The following SEMA3A variants were observed in gnomAD, a reference collection of about 807,000 sequenced individuals.
SEMA3A encodes the protein semaphorin-3A.
In SEMA3A, 29 loss-of-function variants were observed where a neutral mutation model predicts 97.9. The observed-to-expected ratio is 0.30, with a 90% CI of 0.22 to 0.40. The LOEUF (loss-of-function observed/expected upper bound fraction) is 0.40, where lower values mean the gene tolerates loss of function less well. Ranked by LOEUF, SEMA3A falls within the 10% of genes least tolerant of loss-of-function variation. The pLI is 1.00. For synonymous variants in SEMA3A, 321 were observed against 323.7 expected (o/e 0.99, Z 0.09); for missense variants, 763 against 951.3 (o/e 0.80, Z 2.60).
Position 84,313,398 on chromosome 7 carries a change from AT to A in SEMA3A, c.-168-6107del, listed in dbSNP as rs1801410587. On this transcript the variant is annotated intron_variant, in intron 2 of 3. Coordinates refer to the SEMA3A transcript ENST00000424555. Reference sequence around the variant, plus strand: ...TATATATATATATATATATATATATATATATATAAACTATACGTGACTCCTG... The same window carrying A: ...TATATATATATATATATATATATATAATATATAAACTATACGTGACTCCTG... Among the ~76,000 whole-genome samples, 42 of 125,468 alleles carry A rather than the reference AT, an allele frequency of 3.3e-4. 1 individual carries two copies. The highest frequency in any genetic ancestry group is 1.1e-3 in the Admixed American group (13 of 11,960). The allele number at this position is 125,468 out of a possible 152,430, so 82.3% of individuals were successfully genotyped here. A position where few individuals can be genotyped will look rare whatever the true frequency, so the allele number is the denominator to read the frequency against.
Position 84,003,937 on chromosome 7 carries a change from A to G in SEMA3A, c.1360+1402T>C, listed in dbSNP as rs984807523. On this transcript the variant is annotated intron_variant, in intron 11 of 16. Transcript: ENST00000265362. Reference sequence around the variant, plus strand: ...TTCTCACTCATAAAAGTAGACTTTAATATATTACTCAGAACCTGACACTGT... The same window carrying G: ...TTCTCACTCATAAAAGTAGACTTTAGTATATTACTCAGAACCTGACACTGT... Among the ~76,000 whole-genome samples, 65 of 152,124 alleles carry G rather than the reference A, an allele frequency of 4.3e-4. 1 individual carries two copies. The highest frequency in any genetic ancestry group is 1.0e-4 in the Non-Finnish European group (7 of 67,982).
chr7:84,201,650 T>C (rs969944349), intron 3 of SEMA3A, among the ~76,000 whole-genome samples: 3 of 152,148 alleles, frequency 2.0e-5, no homozygotes, highest in Non-Finnish European at 4.4e-5. Context: ...AATAATGTGT[T>C]TTTAAAAATT....
chr7:84,343,051 C>T (rs1802209636), intron 2 of SEMA3A, among the ~76,000 whole-genome samples: 4 of 152,154 alleles, frequency 2.6e-5, no homozygotes, highest in African/African-American at 7.2e-5. Flanking sequence ...CACAAGCATA[C>T]CATGTAGGCA....
intron 6 of SEMA3A, among the ~76,000 whole-genome samples, chr7:84,045,175 T>C (rs1353919828): frequency 2.6e-5 from 4 of 151,948 alleles, no homozygotes; most frequent in Non-Finnish European, 5.9e-5. Flanking sequence ...AGGAATGAAC[T>C]AAATTTTGGG....
At chr7:84,240,705 C>G (rs922226130) in intron 3 of SEMA3A, among the ~76,000 whole-genome samples, 6 of 152,194 alleles carry the variant, frequency 3.9e-5, no homozygotes, top group African/African-American at 1.4e-4. Flanking sequence ...TTGCTGCACT[C>G]ATCAACCCAT....
intron 1 of SEMA3A, among the ~76,000 whole-genome samples, chr7:84,150,521 T>C (rs1022417659): frequency 3.9e-5 from 6 of 152,106 alleles, no homozygotes; most frequent in South Asian, 2.1e-4. Context: ...CCGAATACTG[T>C]GCTTTTCCGA....
intron 1 of SEMA3A, among the ~76,000 whole-genome samples, chr7:84,382,338 C>G (rs952012165): frequency 6.6e-6 from 1 of 151,794 alleles, no homozygotes; most frequent in African/African-American, 2.4e-5. Flanking sequence ...AACTCCTGAT[C>G]TCAAGCAATC....
intron 2 of SEMA3A, among the ~76,000 whole-genome samples, chr7:84,328,135 AT>A (rs1364540524): frequency 2.6e-5 from 4 of 151,970 alleles, no homozygotes; most frequent in East Asian, 3.9e-4. Context: ...CTTGTAAATT[AT>A]TTTTTAAAAG....
intron 4 of SEMA3A, among the ~76,000 whole-genome samples, chr7:84,083,680 A>G (rs994367933): frequency 1.9e-4 from 29 of 152,040 alleles, no homozygotes; most frequent in African/African-American, 7.0e-4. Flanking sequence ...TTGTATATCA[A>G]TTCAAATAAT....
At chr7:84,148,724 A>C (rs1221491225) in intron 1 of SEMA3A, among the ~76,000 whole-genome samples, 1 of 152,200 alleles carries the variant, frequency 6.6e-6, no homozygotes, top group Admixed American at 6.5e-5. Context: ...CTAACACAGC[A>C]AGATGAATCC....
At chr7:84,410,732 G>C (rs1804241378) in intron 1 of SEMA3A, among the ~76,000 whole-genome samples, 1 of 152,100 alleles carries the variant, frequency 6.6e-6, no homozygotes, top group Admixed American at 6.6e-5. Context: ...CTAATTATAT[G>C]TTTCTACAAG....
At chr7:84,224,679 C>T (rs1399295286) in intron 3 of SEMA3A, among the ~76,000 whole-genome samples, 1 of 152,030 alleles carries the variant, frequency 6.6e-6, no homozygotes, top group African/African-American at 2.4e-5. Flanking sequence ...CTTGAGCACC[C>T]TTTCGAGTGC....
intron 3 of SEMA3A, among the ~76,000 whole-genome samples, chr7:84,210,807 T>G (rs2116317867): frequency 6.6e-6 from 1 of 152,318 alleles, no homozygotes; most frequent in South Asian, 2.1e-4. Flanking sequence ...ATACACCATG[T>G]TTCTTTAAAA....
chr7:84,347,981 A>C (rs952442219), intron 2 of SEMA3A, among the ~76,000 whole-genome samples: 2 of 152,172 alleles, frequency 1.3e-5, no homozygotes, highest in African/African-American at 4.8e-5. Flanking sequence ...TGAAATTGGT[A>C]AATTTTATTG....
At chr7:84,458,557 T>G (rs954211613) in intron 1 of SEMA3A, among the ~76,000 whole-genome samples, 6 of 152,088 alleles carry the variant, frequency 3.9e-5, no homozygotes, top group African/African-American at 1.2e-4. Flanking sequence ...TTTGTGCACC[T>G]GAAAGTTAGA....
At chr7:84,202,610 G>T (rs1056453895) in intron 3 of SEMA3A, among the ~76,000 whole-genome samples, 1 of 152,140 alleles carries the variant, frequency 6.6e-6, no homozygotes, top group Non-Finnish European at 1.5e-5. Context: ...TGTTTCCAGA[G>T]AAATAATTTC....
intron 3 of SEMA3A, among the ~76,000 whole-genome samples, chr7:84,251,293 G>A (rs543285715): frequency 6.6e-6 from 1 of 152,260 alleles, no homozygotes; most frequent in South Asian, 2.1e-4. Flanking sequence ...CTATGTTTTG[G>A]AAGTGATCAA....
chr7:84,470,847 A>G (rs911184709), intron 1 of SEMA3A, among the ~76,000 whole-genome samples: 6 of 152,040 alleles, frequency 3.9e-5, no homozygotes, highest in Admixed American at 6.6e-5. Context: ...CTTTCTCCTT[A>G]TAGACTGTAC....
intron 3 of SEMA3A, among the ~76,000 whole-genome samples, chr7:84,262,716 G>A (rs1362015858): frequency 1.3e-5 from 2 of 152,182 alleles, no homozygotes; most frequent in Non-Finnish European, 2.9e-5. Context: ...ATAATCAGTA[G>A]AAGCACTTAA....
Sources: allele counts gnomAD v4.1 joint callset (sites outside exome capture counted in the v4.1 genomes callset), GRCh38; gene constraint gnomAD v4.1.1; transcripts MANE v1.5; gene names NCBI Gene and HGNC (gene_info 2026-07-23, HGNC 2026-07-21).